The following MROH7 variants were observed in gnomAD, a reference collection of about 807,000 sequenced individuals.
MROH7 encodes the protein maestro heat-like repeat-containing protein family member 7.
Under a neutral mutation model 129.2 loss-of-function variants are expected in MROH7, and 113 were observed. That is an observed-to-expected ratio of 0.87 (90% confidence interval 0.75 to 1.02). The LOEUF is 1.02. Ranked by LOEUF, MROH7 falls within the 50% of genes least tolerant of loss-of-function variation. The probability of loss-of-function intolerance (pLI) is 0.00; values close to 1 mark genes in which losing one functional copy is unlikely to be tolerated. For synonymous variants in MROH7, 655 were observed against 667.9 expected (o/e 0.98, Z 0.30); for missense variants, 1,601 against 1,671.3 (o/e 0.96, Z 0.73).
At chr1:54,645,651 C>CTTTTTTTTTTTTTTTTTTTTTTTTTT (rs780480424) in intron 1 of MROH7, among the ~76,000 whole-genome samples, 1 of 110,226 alleles carries the variant, frequency 9.1e-6, no homozygotes, top group Admixed American at 1.0e-4. Flanking sequence ...TTCTTTCTTT[C>CTTTTTTTTTTTTTTTTTTTTTTTTTT]TTTCTTTTTT....
At position 54,701,249 on chromosome 1, in the gene MROH7, G is replaced by A; in HGVS notation, c.3212G>A (p.Gly1071Glu). Residue 1071 changes from glycine (G) to glutamate (E), a missense_variant, in exon 19 of 24, where the codon GGG becomes GAG. Gly to Glu is a moderately conservative substitution (Grantham distance 98, BLOSUM62 -2). Coordinates refer to ENST00000421030, the MANE Select transcript of MROH7 (RefSeq NM_001039464.4). ...AVHNLKAVFKGRDQKLMDSAV... is the reference protein window; with the variant it reads ...AVHNLKAVFKERDQKLMDSAV... ...CACAACCTCAAGGCTGTCTTCAAGGGGCGGGACCAGAAGCTGATGGACAGT... is the reference window on the plus strand; with the variant it reads ...CACAACCTCAAGGCTGTCTTCAAGGAGCGGGACCAGAAGCTGATGGACAGT... 6.2e-7 allele frequency: 1 copy of A among 1,614,100 alleles called. No individual in the cohort carries two copies. Among genetic ancestry groups the A allele is most frequent in the Non-Finnish European group, 8.5e-7 (1 of 1,179,940 alleles).
At position 54,697,999 on chromosome 1, in the gene MROH7, T is replaced by C. The variant is rs1645349786; in HGVS notation, c.2965-2322T>C. The C allele has an allele frequency of 2.2e-5, 7 of 317,344 alleles. No individual in the cohort carries two copies. The South Asian group carries it at 7.4e-4, about 33-fold the overall frequency. The allele number at this position is 317,344 out of a possible 1,614,324, so 19.7% of individuals were successfully genotyped here. ...GGGTCTTGGCCCAGGTTCAGTCTTT[T>C]CCACCTCCCCAGAAGAGGTGTCTGC... On this transcript the variant is annotated intron_variant, in intron 17 of 23. Coordinates refer to ENST00000421030, the MANE Select transcript of MROH7 (RefSeq NM_001039464.4).
intron 17 of MROH7, among the ~76,000 whole-genome samples, chr1:54,696,574 A>C (rs897297678): frequency 2.2e-5 from 3 of 138,182 alleles, no homozygotes; most frequent in Non-Finnish European, 4.6e-5. Flanking sequence ...ATCATACAAT[A>C]TTTGTCCTTT....
In MROH7 at chr1:54,670,477, T is replaced by C. The variant is rs1438389824; in HGVS notation, c.1390-20T>C. ...GCAGTAGCCCTGTCCTCATCGGCCC[T>C]TCTGTGGCCCCCTGTCCAGAGGCAG... is the stretch of plus-strand genomic sequence containing the variant. On this transcript the variant is annotated intron_variant, in intron 5 of 23. Transcript: ENST00000421030. 2 of 1,611,940 alleles carry C rather than the reference T, an allele frequency of 1.2e-6. No individual in the cohort carries two copies. The highest frequency in any genetic ancestry group is 2.2e-5 in the East Asian group (1 of 44,838).
intron 3 of MROH7, among the ~76,000 whole-genome samples, chr1:54,659,567 C>T (rs565931121): frequency 1.3e-5 from 2 of 152,252 alleles, no homozygotes; most frequent in East Asian, 3.9e-4. Flanking sequence ...AATTCTCCTG[C>T]CTTAGCCTCC....
chr1:54,663,621 T>C (rs1190276824), intron 3 of MROH7: 1 of 353,762 alleles, frequency 2.8e-6, no homozygotes, highest in African/African-American at 2.2e-5. Flanking sequence ...TGATCCACCC[T>C]CTTTGGCCTC....
Position 54,678,732 on chromosome 1 carries a change from C to A in MROH7, c.1937-10C>A. ...GATCCGGCCTCACTGAGAAGGTTCTCATCTTGCAGGAGCCAGAGATAAGGA... is the reference window on the plus strand; with the variant it reads ...GATCCGGCCTCACTGAGAAGGTTCTAATCTTGCAGGAGCCAGAGATAAGGA... On this transcript the variant is annotated splice_polypyrimidine_tract_variant and intron_variant, in intron 10 of 23. Coordinates refer to ENST00000421030, the MANE Select transcript of MROH7 (RefSeq NM_001039464.4). 1 of 1,600,000 alleles carries A rather than the reference C, an allele frequency of 6.3e-7. No individual in the cohort carries two copies. The highest frequency in any genetic ancestry group is 1.1e-5 in the South Asian group (1 of 90,772).
At chr1:54,692,105 C>T (rs2101172299) in intron 15 of MROH7, among the ~76,000 whole-genome samples, 1 of 152,264 alleles carries the variant, frequency 6.6e-6, no homozygotes, top group Middle Eastern at 3.4e-3. Flanking sequence ...ACTCGGCCCA[C>T]ATAGGAGACT....
intron 18 of MROH7, 105 bp downstream of exon 18, chr1:54,700,566 CA>C: frequency 8.9e-7 from 1 of 1,121,270 alleles, no homozygotes; most frequent in Non-Finnish European, 1.3e-6. Context: ...TGGAATGAGA[CA>C]TCATTTCTAT....
rs1557736308 is a variant in MROH7, at chr1:54,710,151, G to A, written c.3936G>A (p.Gln1312=). 1 of 1,613,568 alleles carries A rather than the reference G, an allele frequency of 6.2e-7. No individual in the cohort carries two copies. The change falls in exon 24 of 24, where the codon CAG becomes CAA. Residue 1312 remains glutamine (Q), a synonymous_variant. Transcript: ENST00000421030. ...ACCAGCGGCGCTCCTGGATCATGCAGGCACTGGGCTCCTGGAAGATGTCCT... is the reference window on the plus strand; with the variant it reads ...ACCAGCGGCGCTCCTGGATCATGCAAGCACTGGGCTCCTGGAAGATGTCCT... ...TSHQRRSWIM[Q]ALGSWKMSLK...
In MROH7 at chr1:54,653,756, A is replaced by G. The variant is rs1044440310; in HGVS notation, c.830A>G (p.Asn277Ser). Residue 277 changes from asparagine (N) to serine (S), a missense_variant, in exon 3 of 24, where the codon AAT becomes AGT. Transcript: ENST00000421030. ...AGCACAAGTTCAAAGGAAACCATGA[A>G]TGTGGCTTCCAGCGGCCACTCCAGA... ...TWSTSSKETM[N>S]VASSGHSRSD... 1 of 1,614,174 alleles carries G rather than the reference A, an allele frequency of 6.2e-7. No individual in the cohort carries two copies.
intron 3 of MROH7, among the ~76,000 whole-genome samples, chr1:54,661,666 G>C (rs1644734250): frequency 1.3e-5 from 2 of 151,800 alleles, no homozygotes; most frequent in Admixed American, 6.6e-5. Context: ...AGCAATCTTG[G>C]CTCACTATAA....
At chr1:54,688,739 G>A (rs1396046058) in intron 15 of MROH7, among the ~76,000 whole-genome samples, 1 of 152,202 alleles carries the variant, frequency 6.6e-6, no homozygotes, top group African/African-American at 2.4e-5. Context: ...GCTCATGCTC[G>A]TAGGTGCCGC....
chr1:54,697,714 G>T, intron 17 of MROH7: 1 of 702,942 alleles, frequency 1.4e-6, no homozygotes, highest in South Asian at 1.5e-5. Flanking sequence ...AATTTTTTAA[G>T]GTCACAGAGC....
At chr1:54,661,573 A>ATTGT (rs776144080) in intron 3 of MROH7, among the ~76,000 whole-genome samples, 4 of 122,396 alleles carry the variant, frequency 3.3e-5, no homozygotes, top group East Asian at 2.5e-4. Flanking sequence ...ACTTAAAAAT[A>ATTGT]TTATTTGTTT....
chr1:54,657,160 G>T (rs978673375), intron 3 of MROH7, among the ~76,000 whole-genome samples: 10 of 150,060 alleles, frequency 6.7e-5, no homozygotes, highest in Non-Finnish European at 1.5e-4. Flanking sequence ...TGATCCTCCT[G>T]CCTCAGCCTC....
At position 54,653,432 on chromosome 1, in the gene MROH7, A is replaced by G; in HGVS notation, c.506A>G (p.Asn169Ser). ...TTCAAGTTGGGTCAGAGAAACTCCA[A>G]CCCTTCTAGGCATGAATTAAACCCA... ...KIFKLGQRNS[N>S]PSRHELNPFI... Residue 169 changes from asparagine (N) to serine (S), a missense_variant, in exon 3 of 24, where the codon AAC becomes AGC. Physicochemically the swap from Asn to Ser is conservative, Grantham distance 46. Transcript: ENST00000421030. The G allele has an allele frequency of 1.2e-6, 2 of 1,613,900 alleles. No individual in the cohort carries two copies. Among genetic ancestry groups the G allele is most frequent in the Non-Finnish European group, 1.7e-6 (2 of 1,179,962 alleles).
In MROH7 at chr1:54,692,497, C is replaced by T. The variant is rs1645255306; in HGVS notation, c.2785C>T (p.Gln929Ter). 1 of 1,613,928 alleles carries T rather than the reference C, an allele frequency of 6.2e-7. No individual in the cohort carries two copies. Among genetic ancestry groups the T allele is most frequent in the Non-Finnish European group, 8.5e-7 (1 of 1,180,036 alleles). ...TTATGAGACCACGTTTCTGGAGGAC[C>T]AGGGTGGCTGGGAGCTCATGGAGCA... ...CSYETTFLED[Q>*]GGWELMEQVE... The change falls in exon 16 of 24, where the codon CAG becomes TAG. Residue 929 changes from glutamine (Q) to a stop codon, truncating the protein, a stop_gained. Coordinates refer to ENST00000421030, the MANE Select transcript of MROH7 (RefSeq NM_001039464.4). LOFTEE classifies it high-confidence loss of function.
At chr1:54,664,460 C>T (rs1023593295) in intron 3 of MROH7, among the ~76,000 whole-genome samples, 1 of 152,146 alleles carries the variant, frequency 6.6e-6, no homozygotes, top group Admixed American at 6.6e-5. Context: ...GGAGGTATGG[C>T]GAGCAGTGGC....
Sources: allele counts gnomAD v4.1 joint callset (sites outside exome capture counted in the v4.1 genomes callset), GRCh38; gene constraint gnomAD v4.1.1; transcripts MANE v1.5; gene names NCBI Gene and HGNC (gene_info 2026-07-23, HGNC 2026-07-21).